The following ZBTB8B variants were observed in gnomAD, a reference collection of about 807,000 sequenced individuals.
ZBTB8B encodes zinc finger and BTB domain containing 8B, also known as zinc finger and BTB domain-containing protein 8B.
ZBTB8B carries 17 observed loss-of-function variants against 30.3 expected under a neutral mutation model. The observed-to-expected ratio is 0.56, with a 90% CI of 0.38 to 0.84. The LOEUF (loss-of-function observed/expected upper bound fraction) is 0.84, where lower values mean the gene tolerates loss of function less well. Ranked by LOEUF, ZBTB8B falls within the 40% of genes least tolerant of loss-of-function variation. The probability of loss-of-function intolerance (pLI) is 0.00; values close to 1 mark genes in which losing one functional copy is unlikely to be tolerated. For synonymous variants in ZBTB8B, 248 were observed against 255.6 expected (o/e 0.97, Z 0.28); for missense variants, 515 against 644.9 (o/e 0.80, Z 2.18).
In ZBTB8B at chr1:32,485,208, C is replaced by T. The variant is rs1374099911; in HGVS notation, c.1278C>T (p.Cys426=). The change falls in exon 4 of 4, where the codon TGC becomes TGT. Residue 426 remains cysteine (C), a synonymous_variant. Coordinates refer to ENST00000609129, the MANE Select transcript of ZBTB8B (RefSeq NM_001145720.2). The part of the protein sequence containing the change: ...RRFGLCDSCT[C]VTDTPDDDDD... ...TCGGGCTGTGTGACAGCTGCACCTG[C>T]GTTACAGACACACCCGATGATGATG... 12 of 1,551,930 alleles carry T rather than the reference C, an allele frequency of 7.7e-6. No individual in the cohort carries two copies. Among genetic ancestry groups the T allele is most frequent in the East Asian group, 2.4e-5 (1 of 40,918 alleles).
chr1:32,469,746 A>C (rs1183668745), intron 1 of ZBTB8B, among the ~76,000 whole-genome samples: 1 of 152,182 alleles, frequency 6.6e-6, no homozygotes, highest in Non-Finnish European at 1.5e-5. Flanking sequence ...ATTTACTTAC[A>C]AGGTTTTTAT....
chr1:32,488,211 T>C lies in ZBTB8B; in HGVS notation c.*2793T>C, dbSNP rs1233028733. 1 of 152,262 alleles carries C rather than the reference T, an allele frequency of 6.6e-6. No homozygotes were observed. The highest frequency in any genetic ancestry group is 2.4e-5 in the African/African-American group (1 of 41,460). The allele number at this position is 152,262 out of a possible 1,614,324, so 9.4% of individuals were successfully genotyped here. Reference sequence around the variant, plus strand: ...GACATCACACCACTGCACTCCAGCCTGGGCAACAAGAGCGAAACTGTCTCC... The same window carrying C: ...GACATCACACCACTGCACTCCAGCCCGGGCAACAAGAGCGAAACTGTCTCC... On this transcript the variant is annotated 3_prime_UTR_variant, in exon 4 of 4. Coordinates refer to ENST00000609129, the MANE Select transcript of ZBTB8B (RefSeq NM_001145720.2).
intron 1 of ZBTB8B, among the ~76,000 whole-genome samples, chr1:32,466,786 T>C (rs556365223): frequency 6.6e-6 from 1 of 152,154 alleles, no homozygotes; most frequent in African/African-American, 2.4e-5. Context: ...AGAGCCCCTA[T>C]AGATCAGACC....
intron 2 of ZBTB8B, among the ~76,000 whole-genome samples, chr1:32,475,152 G>C (rs1643652853): frequency 6.6e-6 from 1 of 152,202 alleles, no homozygotes; most frequent in South Asian, 2.1e-4. Flanking sequence ...CAAGTGCTAA[G>C]GCACAGAGTA....
rs1259369184 is a variant in ZBTB8B at position 32,471,304 on chromosome 1, T to C, written c.680T>C (p.Ile227Thr). Residue 227 changes from isoleucine (I) to threonine (T), a missense_variant, in exon 2 of 4, where the codon ATA (isoleucine) becomes ACA (threonine). This residue lies in a region of ZBTB8B where 429 missense variants were observed against 504.3 expected (regional missense o/e 0.85). Transcript: ENST00000609129. The part of the protein sequence containing the change: ...DSNLSTPPKR[I>T]EPKVEFDADE... ...AACCTCTCTACTCCACCCAAACGGATAGAGCCCAAGGTGGAATTTGATGCT... is the reference window on the plus strand; with the variant it reads ...AACCTCTCTACTCCACCCAAACGGACAGAGCCCAAGGTGGAATTTGATGCT... 1 of 1,551,756 alleles carries C rather than the reference T, an allele frequency of 6.4e-7. No homozygotes were observed. The highest frequency in any genetic ancestry group is 1.2e-5 in the South Asian group (1 of 84,068).
intron 2 of ZBTB8B, among the ~76,000 whole-genome samples, chr1:32,479,305 A>G (rs1183871712): frequency 6.6e-6 from 1 of 152,152 alleles, no homozygotes. Flanking sequence ...CAGCCGGATC[A>G]CCTGAGGTCA....
In ZBTB8B at chr1:32,476,120, G is replaced by GTTTGT. The variant is rs375279635; in HGVS notation, c.991+4535_991+4539dup. Among the ~76,000 whole-genome samples the GTTTGT allele has an allele frequency of 7.2e-3, 1,096 of 151,512 alleles. 5 individuals carry two copies. The highest frequency in any genetic ancestry group is 0.02 in the East Asian group (102 of 5,116). ...GGTGTGAGCTGCTGTGCCTGGCCAGGTTTGTTTTGTTTTGTTTTGTTTTGT... is the reference window on the plus strand; with the variant it reads ...GGTGTGAGCTGCTGTGCCTGGCCAGGTTTGTTTTGTTTTGTTTTGTTTTGTTTTGT... On this transcript the variant is annotated intron_variant, in intron 2 of 3. Transcript: ENST00000609129.
Position 32,471,093 on chromosome 1 carries a change from GACAGTGAA to G in ZBTB8B, c.471_478del (p.Asp157GlufsTer37), listed in dbSNP as rs1469926866. On this transcript the variant is annotated frameshift_variant, in exon 2 of 4. Transcript: ENST00000609129. LOFTEE classifies it high-confidence loss of function. ...GGCAGCAGCGGCGGCTCATCAGGTT[GACAGTGAA>G]AGCCCCAGTTCAGGCCGGGAGGGGA... 2.6e-6 allele frequency: 4 copies of G among 1,551,288 alleles called. No individual in the cohort carries two copies. Among genetic ancestry groups the G allele is most frequent in the Non-Finnish European group, 3.5e-6 (4 of 1,146,894 alleles).
rs1643621704 is a variant in ZBTB8B at position 32,471,567 on chromosome 1, A to G, written c.943A>G (p.Met315Val). Residue 315 changes from methionine (M) to valine (V), a missense_variant, in exon 2 of 4, where the codon ATG becomes GTG. Transcript: ENST00000609129. ...EGRPEGAGVA[M>V]SSMMDVQADW... ...AAGACCAGAAGGTGCAGGAGTAGCC[A>G]TGAGTTCCATGATGGATGTCCAGGC... 1 of 1,551,680 alleles carries G rather than the reference A, an allele frequency of 6.4e-7. No homozygotes were observed. Among genetic ancestry groups the G allele is most frequent in the African/African-American group, 1.4e-5 (1 of 73,078 alleles).
rs778177890 is a variant in ZBTB8B, at chr1:32,471,318, G to A, written c.694G>A (p.Glu232Lys). 3 of 1,551,708 alleles carry A rather than the reference G, an allele frequency of 1.9e-6. No individual in the cohort carries two copies. In the African/African-American group the frequency reaches 4.1e-5, roughly 21 times the overall value. ...ACCCAAACGGATAGAGCCCAAGGTG[G>A]AATTTGATGCTGATGAAGTGGAGGT... ...TPPKRIEPKV[E>K]FDADEVEVDV... Residue 232 changes from glutamate (E) to lysine (K), a missense_variant, in exon 2 of 4, where the codon GAA becomes AAA. This residue lies in a region of ZBTB8B where 429 missense variants were observed against 504.3 expected (regional missense o/e 0.85). Coordinates refer to ENST00000609129, the MANE Select transcript of ZBTB8B (RefSeq NM_001145720.2).
At chr1:32,478,653 G>A (rs998790610) in intron 2 of ZBTB8B, among the ~76,000 whole-genome samples, 5 of 152,156 alleles carry the variant, frequency 3.3e-5, no homozygotes, top group East Asian at 1.9e-4. Context: ...AACAGATATC[G>A]GAGTCACTAT....
rs1405704496 is a variant in ZBTB8B, at chr1:32,492,470, T to C, written c.*7052T>C. On this transcript the variant is annotated 3_prime_UTR_variant, in exon 4 of 4. Transcript: ENST00000609129. ...GGCGCCCGCCACCACGCCCGGCTAA[T>C]TTTTGTATTTTTAGTAGAGATAGGG... 6.6e-6 allele frequency: 1 copy of C among 152,220 alleles called. No individual in the cohort carries two copies. The highest frequency in any genetic ancestry group is 2.4e-5 in the African/African-American group (1 of 41,372). 9.4% of individuals were successfully genotyped at this position (152,220 alleles called of 1,614,324 possible).
In ZBTB8B at chr1:32,471,338, G is replaced by A; in HGVS notation, c.714G>A (p.Val238=). The change falls in exon 2 of 4, where the codon GTG becomes GTA. Residue 238 remains valine (V), a synonymous_variant. Coordinates refer to ENST00000609129, the MANE Select transcript of ZBTB8B (RefSeq NM_001145720.2). ...EPKVEFDADE[V]EVDVGEQLQQ... ...AGGTGGAATTTGATGCTGATGAAGT[G>A]GAGGTGGACGTTGGTGAACAGCTGC... 1 of 1,551,814 alleles carries A rather than the reference G, an allele frequency of 6.4e-7. No individual in the cohort carries two copies. The highest frequency in any genetic ancestry group is 8.7e-7 in the Non-Finnish European group (1 of 1,147,022).
In ZBTB8B at chr1:32,484,109, G is replaced by A. The variant is rs912536755; in HGVS notation, c.1171-992G>A. 6.6e-6 allele frequency among the ~76,000 whole-genome samples: 1 copy of A among 152,002 alleles called. No homozygotes were observed. The highest frequency in any genetic ancestry group is 2.4e-5 in the African/African-American group (1 of 41,384). ...TGTGGTCCCAGCTGCTTGGGAGGCT[G>A]GAGGGGGAGGATCGCTTGAGCCCAG... On this transcript the variant is annotated intron_variant, in intron 3 of 3. Transcript: ENST00000609129. The surrounding 1 kb of genome is among the most constrained non-coding windows in gnomAD (Gnocchi z 4.5).
In ZBTB8B at chr1:32,481,101, C is replaced by G. The variant is rs747448205; in HGVS notation, c.1170+32C>G. The G allele has an allele frequency of 5.3e-6, 8 of 1,520,398 alleles. No individual in the cohort carries two copies. The South Asian group carries it at 7.7e-5, about 15-fold the overall frequency. 94.2% of individuals were successfully genotyped at this position (1,520,398 alleles called of 1,614,324 possible). A position where few individuals can be genotyped will look rare whatever the true frequency, so the allele number is the denominator to read the frequency against. Reference sequence around the variant, plus strand: ...GTTCGAGCTGGCCATGCCCTTGTGGCAAGAGCTATTCATGATATCATCTAA... The same window carrying G: ...GTTCGAGCTGGCCATGCCCTTGTGGGAAGAGCTATTCATGATATCATCTAA... On this transcript the variant is annotated intron_variant, in intron 3 of 3. Transcript: ENST00000609129.
chr1:32,482,875 C>T (rs1643716014), intron 3 of ZBTB8B, among the ~76,000 whole-genome samples: 1 of 151,670 alleles, frequency 6.6e-6, no homozygotes, highest in African/African-American at 2.4e-5. Flanking sequence ...CCAATAAGCA[C>T]ATGAAAAGAT....
At chr1:32,467,243 G>GTTT (rs1207043175) in intron 1 of ZBTB8B, among the ~76,000 whole-genome samples, 3 of 134,706 alleles carry the variant, frequency 2.2e-5, no homozygotes, top group South Asian at 2.4e-4. Flanking sequence ...CCACACACTT[G>GTTT]TTTTTTTTTT....
chr1:32,480,542 G>A (rs1227092635), intron 2 of ZBTB8B, among the ~76,000 whole-genome samples: 10 of 152,138 alleles, frequency 6.6e-5, no homozygotes, highest in Admixed American at 6.5e-4. Flanking sequence ...ACACTATCAG[G>A]GTGAGTATTG....
chr1:32,481,075 T>C lies in ZBTB8B; in HGVS notation c.1170+6T>C. On this transcript the variant is annotated splice_donor_region_variant and intron_variant, in intron 3 of 3. Transcript: ENST00000609129. ...TGCGGAGCCACGCACTGAGTGTAAGTGTTCGAGCTGGCCATGCCCTTGTGG... is the reference window on the plus strand; with the variant it reads ...TGCGGAGCCACGCACTGAGTGTAAGCGTTCGAGCTGGCCATGCCCTTGTGG... 2 of 1,545,320 alleles carry C rather than the reference T, an allele frequency of 1.3e-6. No individual in the cohort carries two copies. The highest frequency in any genetic ancestry group is 1.7e-6 in the Non-Finnish European group (2 of 1,142,870).
Sources: allele counts gnomAD v4.1 joint callset (sites outside exome capture counted in the v4.1 genomes callset), GRCh38; gene constraint gnomAD v4.1.1; regional missense constraint gnomAD v4.1.1; non-coding constraint Gnocchi (gnomAD v3.1); transcripts MANE v1.5; gene names NCBI Gene and HGNC (gene_info 2026-07-23, HGNC 2026-07-21).